The following MARCHF1 variants were observed in gnomAD, a reference collection of about 807,000 sequenced individuals.
The protein encoded by MARCHF1 is membrane associated ring-CH-type finger 1, also known as E3 ubiquitin-protein ligase MARCHF1.
A neutral mutation model predicts 54.2 loss-of-function variants in MARCHF1; 40 were observed. The observed-to-expected ratio is 0.74, with a 90% CI of 0.57 to 0.96. The LOEUF is 0.96. MARCHF1 is among the 40% of genes least tolerant of loss of function. The probability of loss-of-function intolerance (pLI) is 0.00; values close to 1 mark genes in which losing one functional copy is unlikely to be tolerated. For missense variants in MARCHF1, 586 were observed against 656.5 expected, an observed-to-expected ratio of 0.89 and a Z score of 1.17; for synonymous variants, 236 against 236.3, an observed-to-expected ratio of 1.00 and a Z score of 0.01.
chr4:163,530,772 A>T (rs1738318723), intron 9 of MARCHF1: 1 of 151,872 alleles, frequency 6.6e-6, no homozygotes, highest in Non-Finnish European at 1.5e-5. Flanking sequence ...GCAAAGGTAA[A>T]TTTTTTCTAA....
At chr4:164,083,544 C>T (rs1325572990) in intron 2 of MARCHF1, among the ~76,000 whole-genome samples, 1 of 151,898 alleles carries the variant, frequency 6.6e-6, no homozygotes, top group Middle Eastern at 3.2e-3. Flanking sequence ...AGCATGTTTC[C>T]TTTATGCAGA....
chr4:163,997,941 C>A (rs968013559), intron 2 of MARCHF1, among the ~76,000 whole-genome samples: 3 of 151,138 alleles, frequency 2.0e-5, no homozygotes, highest in Non-Finnish European at 4.4e-5. Context: ...CACACACACA[C>A]ACACACACAC....
At chr4:163,769,053 A>G (rs1441439003) in intron 4 of MARCHF1, among the ~76,000 whole-genome samples, 5 of 152,200 alleles carry the variant, frequency 3.3e-5, no homozygotes, top group East Asian at 1.9e-4. Context: ...GCAAAAGACT[A>G]TTGTAGAGAG....
At chr4:163,912,189 G>A (rs1329209561) in intron 3 of MARCHF1, among the ~76,000 whole-genome samples, 2 of 152,014 alleles carry the variant, frequency 1.3e-5, no homozygotes, top group Middle Eastern at 3.4e-3. Flanking sequence ...TTACACAGTC[G>A]TTGTCAGAAT....
Position 163,599,719 on chromosome 4 carries a change from C to A in MARCHF1, c.1010+12552G>T, listed in dbSNP as rs1260584347. Among the ~76,000 whole-genome samples, 3 of 152,300 alleles carry A rather than the reference C, an allele frequency of 2.0e-5. No homozygotes were observed. In the East Asian group the frequency reaches 5.8e-4, roughly 29 times the overall value. ...TCAGTTAAAACCTAGATGGCTAGGT[C>A]CCACTCCCAGCGTTTCTGATTCCAT... On this transcript the variant is annotated intron_variant, in intron 7 of 9. Transcript: ENST00000514618.
At chr4:163,932,768 G>GAA in intron 3 of MARCHF1, 1 of 574,468 alleles carries the variant, frequency 1.7e-6, no homozygotes, top group African/African-American at 1.9e-5. Context: ...ACTACCAGGA[G>GAA]AAAGTGGAGT....
At chr4:164,065,076 A>T (rs971916434) in intron 2 of MARCHF1, among the ~76,000 whole-genome samples, 1 of 152,318 alleles carries the variant, frequency 6.6e-6, no homozygotes, top group East Asian at 1.9e-4. Flanking sequence ...GTATTTTTGC[A>T]TCAACGTTCA....
chr4:163,999,232 G>T (rs915944065), intron 2 of MARCHF1, among the ~76,000 whole-genome samples: 4 of 150,648 alleles, frequency 2.7e-5, no homozygotes, highest in African/African-American at 9.7e-5. Context: ...TATTATTTTG[G>T]TTAAAAAAAA....
At chr4:164,080,744 T>TTTTAC in intron 2 of MARCHF1, among the ~76,000 whole-genome samples, 2 of 152,070 alleles carry the variant, frequency 1.3e-5, no homozygotes, top group South Asian at 4.1e-4. Flanking sequence ...GTAAAAACTA[T>TTTTAC]ATTTTAAAAA....
chr4:163,669,985 T>C (rs973410491), intron 5 of MARCHF1, among the ~76,000 whole-genome samples: 3 of 152,216 alleles, frequency 2.0e-5, no homozygotes, highest in African/African-American at 7.2e-5. Flanking sequence ...ATTATTTTTA[T>C]AATTTTTCAG....
intron 1 of MARCHF1, among the ~76,000 whole-genome samples, chr4:164,139,537 AG>A (rs1243940159): frequency 6.6e-6 from 1 of 152,008 alleles, no homozygotes; most frequent in African/African-American, 2.4e-5. Flanking sequence ...AGAAAGAGAA[AG>A]GACAACCTTC....
chr4:164,005,327 G>T (rs2110927019), intron 2 of MARCHF1, among the ~76,000 whole-genome samples: 1 of 152,126 alleles, frequency 6.6e-6, no homozygotes, highest in East Asian at 1.9e-4. Context: ...CAACAGATAG[G>T]ACAACAGACT....
chr4:164,245,037 G>A (rs1445051635), intron 1 of MARCHF1, among the ~76,000 whole-genome samples: 2 of 152,126 alleles, frequency 1.3e-5, no homozygotes, highest in African/African-American at 2.4e-5. Flanking sequence ...GTACAAGGAG[G>A]AACTGGTACC....
intron 4 of MARCHF1, among the ~76,000 whole-genome samples, chr4:163,818,756 C>T (rs1748612078): frequency 6.6e-6 from 1 of 152,100 alleles, no homozygotes; most frequent in Admixed American, 6.6e-5. Context: ...CTAAAAGACA[C>T]CAGTCTCTCA....
chr4:164,136,966 T>C (rs950168521), intron 1 of MARCHF1, among the ~76,000 whole-genome samples: 1 of 152,184 alleles, frequency 6.6e-6, no homozygotes, highest in Non-Finnish European at 1.5e-5. Flanking sequence ...ATGCAGACTT[T>C]TGACACATCA....
chr4:164,340,517 C>T (rs1361799650), intron 1 of MARCHF1, among the ~76,000 whole-genome samples: 1 of 149,686 alleles, frequency 6.7e-6, no homozygotes, highest in African/African-American at 2.4e-5. Flanking sequence ...GCAACCTCCA[C>T]CTCCTGAGTT....
At chr4:163,861,515 A>G (rs1179727856) in intron 3 of MARCHF1, among the ~76,000 whole-genome samples, 1 of 152,156 alleles carries the variant, frequency 6.6e-6, no homozygotes, top group Non-Finnish European at 1.5e-5. Flanking sequence ...TTATCTAGGT[A>G]TAAATATAAC....
chr4:163,674,292 C>T (rs941233563), intron 5 of MARCHF1, among the ~76,000 whole-genome samples: 3 of 152,046 alleles, frequency 2.0e-5, no homozygotes, highest in East Asian at 1.9e-4. Flanking sequence ...GCAATCTACC[C>T]GTGTAACAAA....
chr4:163,776,996 T>A (rs907367465), intron 4 of MARCHF1, among the ~76,000 whole-genome samples: 4 of 152,190 alleles, frequency 2.6e-5, no homozygotes, highest in Non-Finnish European at 4.4e-5. Flanking sequence ...TGCTTTTTAA[T>A]TCAACTCTTT....
Sources: allele counts gnomAD v4.1 joint callset (sites outside exome capture counted in the v4.1 genomes callset), GRCh38; gene constraint gnomAD v4.1.1; transcripts MANE v1.5; gene names NCBI Gene and HGNC (gene_info 2026-07-23, HGNC 2026-07-21).